BANK1: variants seen among roughly 807,000 people sequenced by gnomAD.
BANK1 encodes B-cell scaffold protein with ankyrin repeats.
Under a neutral mutation model 94.5 loss-of-function variants are expected in BANK1, and 95 were observed. That is an observed-to-expected ratio of 1.00 (90% CI 0.85 to 1.19). BANK1 has a LOEUF of 1.19. BANK1 is among the 50% of genes most tolerant of loss of function. BANK1 has a pLI of 0.00. For synonymous variants in BANK1, 334 were observed against 308.4 expected (o/e 1.08, Z -0.87); for missense variants, 987 against 932.2 (o/e 1.06, Z -0.77).
At chr4:101,855,247 G>T in intron 3 of BANK1, 58 bp downstream of exon 3, 2 of 1,507,108 alleles carry the variant, frequency 1.3e-6, no homozygotes, top group Non-Finnish European at 1.8e-6. Flanking sequence ...GGTGGTGGTG[G>T]TTGTTGTTGT....
intron 5 of BANK1, among the ~76,000 whole-genome samples, chr4:101,887,586 T>C (rs536828551): frequency 6.6e-5 from 10 of 152,300 alleles, no homozygotes; most frequent in Non-Finnish European, 1.2e-4. Context: ...AGTTAATTAT[T>C]ATTGAGATTC....
At chr4:101,931,404 A>G (rs1723336153) in intron 7 of BANK1, among the ~76,000 whole-genome samples, 1 of 151,438 alleles carries the variant, frequency 6.6e-6, no homozygotes, top group Non-Finnish European at 1.5e-5. Flanking sequence ...TTGGTCTTGA[A>G]CTTAAGAACC....
chr4:101,867,766 A>G (rs1037953858), intron 4 of BANK1, among the ~76,000 whole-genome samples: 1 of 61,142 alleles, frequency 1.6e-5, no homozygotes, highest in Non-Finnish European at 3.5e-5. Context: ...AAAAATAAAT[A>G]TAAATAAATA....
At chr4:101,900,112 C>T (rs527276079) in intron 6 of BANK1, among the ~76,000 whole-genome samples, 2 of 152,222 alleles carry the variant, frequency 1.3e-5, no homozygotes, top group South Asian at 4.2e-4. Context: ...CCAATTAGAA[C>T]ACCTTGATGT....
chr4:101,902,070 C>T (rs147126605), intron 6 of BANK1, among the ~76,000 whole-genome samples: 2 of 152,258 alleles, frequency 1.3e-5, no homozygotes, highest in Non-Finnish European at 2.9e-5. Context: ...CATCTCCAGC[C>T]AATTTTACAC....
At chr4:102,015,806 C>T (rs1449073500) in intron 7 of BANK1, among the ~76,000 whole-genome samples, 1 of 152,108 alleles carries the variant, frequency 6.6e-6, no homozygotes, top group Non-Finnish European at 1.5e-5. Context: ...ATCCTCATTA[C>T]CCTTTGCTTT....
chr4:102,044,367 T>G (rs945222319), intron 11 of BANK1, among the ~76,000 whole-genome samples: 8 of 152,244 alleles, frequency 5.3e-5, no homozygotes, highest in Non-Finnish European at 2.9e-5. Flanking sequence ...GAACTCATCA[T>G]TTTTTATGGC....
chr4:101,896,212 A>G (rs1329049712), intron 6 of BANK1, among the ~76,000 whole-genome samples: 2 of 151,952 alleles, frequency 1.3e-5, no homozygotes, highest in Admixed American at 6.6e-5. Context: ...TTGTTCCTGC[A>G]TAGTTTGTTG....
chr4:101,943,741 C>G (rs1723828958), intron 7 of BANK1, among the ~76,000 whole-genome samples: 1 of 151,750 alleles, frequency 6.6e-6, no homozygotes, highest in Non-Finnish European at 1.5e-5. Flanking sequence ...TAACAGAGCA[C>G]AGTTTAAAAG....
chr4:101,942,962 A>C (rs1340750879), intron 7 of BANK1, among the ~76,000 whole-genome samples: 1 of 151,888 alleles, frequency 6.6e-6, no homozygotes, highest in African/African-American at 2.4e-5. Flanking sequence ...AAGTATTGTT[A>C]ATAAGGGTAT....
chr4:101,952,917 A>G (rs11734871), intron 7 of BANK1, among the ~76,000 whole-genome samples: 70,969 of 151,994 alleles, frequency 0.47, 16,848 homozygotes, highest in Middle Eastern at 0.54. Flanking sequence ...TTTTGACATT[A>G]CCAGCTTTTT....
chr4:101,940,514 A>G (rs1723706035), intron 7 of BANK1, among the ~76,000 whole-genome samples: 1 of 151,676 alleles, frequency 6.6e-6, no homozygotes, highest in Non-Finnish European at 1.5e-5. Context: ...TTCTGTTTCA[A>G]GGTCCCATTC....
rs758276631 is a variant in BANK1 at position 101,829,943 on chromosome 4, A to G, written c.206A>G (p.His69Arg). 2.5e-5 allele frequency: 41 copies of G among 1,613,954 alleles called. 1 individual carries two copies. The Middle Eastern group carries it at 5.0e-4, about 19-fold the overall frequency. ...CGCTTGGAGAATTTCTCTTTTCGGC[A>G]TTTGGAGTTGCTGAACTTAACGTCT... ...LYRLENFSFRHLELLNLTSYK... is the reference protein window; with the variant it reads ...LYRLENFSFRRLELLNLTSYK... The change falls in exon 2 of 17, where the codon CAT becomes CGT. Residue 69 changes from histidine to arginine, a missense_variant. His to Arg is a conservative substitution (Grantham distance 29). Coordinates refer to ENST00000322953, the MANE Select transcript of BANK1 (RefSeq NM_017935.5).
At chr4:101,937,537 G>A (rs1723609528) in intron 7 of BANK1, among the ~76,000 whole-genome samples, 1 of 151,936 alleles carries the variant, frequency 6.6e-6, no homozygotes, top group Admixed American at 6.6e-5. Context: ...AAACCACAAT[G>A]AGATACCATC....
intron 8 of BANK1, among the ~76,000 whole-genome samples, chr4:102,022,992 C>G (rs888756907): frequency 8.5e-5 from 13 of 152,278 alleles, no homozygotes; most frequent in African/African-American, 1.2e-4. Flanking sequence ...TTTACCTGCT[C>G]CTTTTCTTCA....
At position 102,025,489 on chromosome 4, in the gene BANK1, G is replaced by GA; in HGVS notation, c.1575dup (p.Pro526ThrfsTer26). 1.2e-6 allele frequency: 2 copies of GA among 1,613,512 alleles called. No individual in the cohort carries two copies. Among genetic ancestry groups the GA allele is most frequent in the Non-Finnish European group, 1.7e-6 (2 of 1,179,958 alleles). ...GTAGCTAATGCCTTCCAACTGGAAA[G>GA]ACCTCACTTCACCTTACCAGGTAAG... On this transcript the variant is annotated frameshift_variant, in exon 9 of 17. Transcript: ENST00000322953. LOFTEE classifies it high-confidence loss of function.
At chr4:101,828,383 TTA>T (rs60877981) in intron 1 of BANK1, among the ~76,000 whole-genome samples, 1,665 of 142,076 alleles carry the variant, frequency 0.012, 20 homozygotes, top group Middle Eastern at 0.034. Flanking sequence ...ATGAGTGAAT[TTA>T]TATATATATA....
At chr4:101,998,300 G>A (rs1311658392) in intron 7 of BANK1, among the ~76,000 whole-genome samples, 1 of 152,044 alleles carries the variant, frequency 6.6e-6, no homozygotes, top group Non-Finnish European at 1.5e-5. Flanking sequence ...TATTATTTCT[G>A]TTCTTTTTCA....
intron 7 of BANK1, among the ~76,000 whole-genome samples, chr4:101,993,613 G>A (rs764212215): frequency 1.4e-4 from 22 of 152,098 alleles, no homozygotes; most frequent in Non-Finnish European, 2.5e-4. Flanking sequence ...GCACTTTATG[G>A]TATGATATTT....
Sources: gnomAD v4.1 joint callset for allele counts (sites outside exome capture counted in the v4.1 genomes callset) on GRCh38, gnomAD v4.1.1 for gene constraint, MANE v1.5 for transcripts, NCBI Gene and HGNC (gene_info 2026-07-23, HGNC 2026-07-21) for gene names.